WDR7: variants seen among roughly 807,000 people sequenced by gnomAD.
WDR7 encodes the protein WD repeat-containing protein 7.
Under a neutral mutation model 169.4 loss-of-function variants are expected in WDR7, and 46 were observed. That is an observed-to-expected ratio of 0.27 (90% CI 0.21 to 0.35). WDR7 has a LOEUF of 0.35. Ranked by LOEUF, WDR7 falls within the 10% of genes least tolerant of loss-of-function variation. The probability of loss-of-function intolerance (pLI) is 1.00; values close to 1 mark genes in which losing one functional copy is unlikely to be tolerated. For missense variants in WDR7, 1,534 were observed against 1,859.3 expected (o/e 0.83, Z 3.22); for synonymous variants, 612 against 666.8 (o/e 0.92, Z 1.27).
At chr18:56,809,407 A>G (rs1463270970) in intron 19 of WDR7, among the ~76,000 whole-genome samples, 3 of 152,088 alleles carry the variant, frequency 2.0e-5, no homozygotes, top group African/African-American at 7.2e-5. Flanking sequence ...ATCACTGTCA[A>G]ATATTTTGGA....
chr18:56,850,967 A>T (rs1285851598), intron 20 of WDR7, among the ~76,000 whole-genome samples: 1 of 151,996 alleles, frequency 6.6e-6, no homozygotes, highest in South Asian at 2.1e-4. Context: ...TTATTGTCAT[A>T]TGTTGTTGGT....
intron 19 of WDR7, among the ~76,000 whole-genome samples, chr18:56,806,062 A>G (rs573058601): frequency 1.3e-5 from 2 of 152,108 alleles, no homozygotes; most frequent in East Asian, 1.9e-4. Context: ...TTCTTGTGAA[A>G]TTGTCTTTGA....
intron 1 of WDR7, among the ~76,000 whole-genome samples, chr18:56,658,963 G>C (rs142401079): frequency 0.028 from 4,294 of 152,160 alleles, 182 homozygotes; most frequent in African/African-American, 0.097. Context: ...TGATCTGCCA[G>C]CTTTGGCCTC....
At chr18:56,772,997 T>A (rs564292596) in intron 16 of WDR7, among the ~76,000 whole-genome samples, 1 of 152,326 alleles carries the variant, frequency 6.6e-6, no homozygotes, top group East Asian at 1.9e-4. Context: ...GTATTCAAAA[T>A]GAGCTTTTTA....
chr18:56,682,641 A>G (rs2025371353), intron 4 of WDR7, 38 bp from the exon 5 acceptor site: 2 of 1,592,866 alleles, frequency 1.3e-6, no homozygotes, highest in South Asian at 1.1e-5. Flanking sequence ...TTAAAGGAGA[A>G]CACTCAGAAA....
chr18:56,766,358 C>T (rs1435711190), intron 16 of WDR7, among the ~76,000 whole-genome samples: 1 of 152,096 alleles, frequency 6.6e-6, no homozygotes, highest in Non-Finnish European at 1.5e-5. Flanking sequence ...CCTCCTCTCT[C>T]TAAGGGACTG....
Position 56,823,684 on chromosome 18 carries a change from C to T in WDR7, c.3304+7540C>T, listed in dbSNP as rs116457767. ...GTTAAAGGCACATCACTAATGGTAC[C>T]GTTAATGACCTGACATCTCAAACTT... On this transcript the variant is annotated intron_variant, in intron 20 of 27. Transcript: ENST00000254442. 5.5e-3 allele frequency among the ~76,000 whole-genome samples: 841 copies of T among 152,258 alleles called. 10 individuals carry two copies. Among genetic ancestry groups the T allele is most frequent in the African/African-American group, 0.019 (794 of 41,550 alleles).
At chr18:56,794,837 C>T (rs2044556359) in intron 19 of WDR7, among the ~76,000 whole-genome samples, 1 of 152,126 alleles carries the variant, frequency 6.6e-6, no homozygotes, top group Admixed American at 6.5e-5. Context: ...TTCTATCAAT[C>T]AATCATCTAC....
chr18:56,998,001 C>T lies in WDR7; in HGVS notation c.4165-22744C>T, dbSNP rs186808556. Among the ~76,000 whole-genome samples the T allele has an allele frequency of 1.3e-3, 198 of 152,222 alleles. 1 individual carries two copies. Among genetic ancestry groups the T allele is most frequent in the African/African-American group, 4.6e-3 (193 of 41,516 alleles). On this transcript the variant is annotated intron_variant, in intron 26 of 27. Coordinates refer to ENST00000254442, the MANE Select transcript of WDR7 (RefSeq NM_015285.3). The stretch of plus-strand genomic sequence containing the variant: ...TCTTTCCAGGAAGGATGAAGAGCAG[C>T]GGAGAAGCCACACTTCTTATCATGT...
chr18:56,750,486 C>A (rs2043774950), intron 14 of WDR7, among the ~76,000 whole-genome samples: 1 of 152,128 alleles, frequency 6.6e-6, no homozygotes, highest in African/African-American at 2.4e-5. Flanking sequence ...TTGTCCCAAG[C>A]ATCTTGCACA....
chr18:56,894,274 A>G (rs2046302581), intron 21 of WDR7, among the ~76,000 whole-genome samples: 1 of 151,996 alleles, frequency 6.6e-6, no homozygotes, highest in South Asian at 2.1e-4. Context: ...AATGTGGATC[A>G]CATCCATGTT....
chr18:57,006,981 CTT>C (rs780576391), intron 26 of WDR7, among the ~76,000 whole-genome samples: 5,481 of 141,392 alleles, frequency 0.039, 110 homozygotes, highest in Non-Finnish European at 0.055. Context: ...TCTTTCCTAA[CTT>C]TTTTTTTTTT....
intron 21 of WDR7, among the ~76,000 whole-genome samples, chr18:56,880,531 G>A (rs2046092572): frequency 1.3e-5 from 2 of 152,100 alleles, no homozygotes; most frequent in African/African-American, 4.8e-5. Flanking sequence ...GTCAGGACTG[G>A]GGTGGAACAC....
intron 26 of WDR7, among the ~76,000 whole-genome samples, chr18:56,977,258 G>T (rs1442221394): frequency 6.6e-6 from 1 of 152,158 alleles, no homozygotes; most frequent in Non-Finnish European, 1.5e-5. Flanking sequence ...AGAACAAAAC[G>T]CTTGCCAATA....
chr18:56,813,877 C>G lies in WDR7; in HGVS notation c.3191-2154C>G, dbSNP rs1368335996. 2.6e-5 allele frequency among the ~76,000 whole-genome samples: 4 copies of G among 152,136 alleles called. No homozygotes were observed. In the East Asian group the frequency reaches 7.7e-4, roughly 29 times the overall value. ...GATGTACTTGTTTGTTCCTTAAGCT[C>G]TGTTCCAAAATCCTGAATTCCCTTG... On this transcript the variant is annotated intron_variant, in intron 19 of 27. Coordinates refer to ENST00000254442, the MANE Select transcript of WDR7 (RefSeq NM_015285.3).
intron 20 of WDR7, among the ~76,000 whole-genome samples, chr18:56,846,772 C>T (rs2045575006): frequency 6.6e-6 from 1 of 152,166 alleles, no homozygotes; most frequent in Non-Finnish European, 1.5e-5. Flanking sequence ...TCACCTTCTG[C>T]CATGATTGTA....
intron 26 of WDR7, among the ~76,000 whole-genome samples, chr18:56,976,150 A>G (rs2047561845): frequency 6.6e-6 from 1 of 152,200 alleles, no homozygotes; most frequent in Non-Finnish European, 1.5e-5. Context: ...CTTCATTGAC[A>G]TCACTGGTGG....
chr18:56,864,936 G>A (rs1296467049), intron 20 of WDR7, among the ~76,000 whole-genome samples: 1 of 151,980 alleles, frequency 6.6e-6, no homozygotes, highest in Non-Finnish European at 1.5e-5. Context: ...AACCAGGAAA[G>A]AGTTGATTGT....
chr18:56,844,978 A>G (rs78138011), intron 20 of WDR7, among the ~76,000 whole-genome samples: 3,826 of 152,226 alleles, frequency 0.025, 68 homozygotes, highest in Middle Eastern at 0.092. Context: ...TTCTGTGCCT[A>G]ATTTATAAGT....
Sources: allele counts gnomAD v4.1 joint callset (sites outside exome capture counted in the v4.1 genomes callset), GRCh38; gene constraint gnomAD v4.1.1; transcripts MANE v1.5; gene names NCBI Gene and HGNC (gene_info 2026-07-23, HGNC 2026-07-21).